The following SPIRE1 variants were observed in gnomAD, a reference collection of about 807,000 sequenced individuals.
The protein encoded by SPIRE1 is protein spire homolog 1.
SPIRE1 carries 40 observed loss-of-function variants against 94.1 expected under a neutral mutation model. The observed-to-expected ratio is 0.43, with a 90% CI of 0.33 to 0.55. The LOEUF (loss-of-function observed/expected upper bound fraction) is 0.55, where lower values mean the gene tolerates loss of function less well. SPIRE1 is among the 20% of genes least tolerant of loss of function. The pLI, the probability that SPIRE1 is intolerant of heterozygous loss-of-function variation, is 0.06. For synonymous variants in SPIRE1, 376 were observed against 371.7 expected (o/e 1.01, Z -0.13); for missense variants, 838 against 975.2 (o/e 0.86, Z 1.87).
chr18:12,452,605 A>G (rs2031301722), intron 14 of SPIRE1, 93 bp from the exon 15 acceptor site: 1 of 1,230,206 alleles, frequency 8.1e-7, no homozygotes, highest in African/African-American at 1.5e-5. Flanking sequence ...GTAAGTTTCC[A>G]CAATAAACTG....
intron 2 of SPIRE1, among the ~76,000 whole-genome samples, chr18:12,581,786 C>T (rs1405707538): frequency 1.3e-5 from 2 of 152,024 alleles, no homozygotes; most frequent in Non-Finnish European, 2.9e-5. Context: ...ATCGCTAGAA[C>T]CCAGGAGGCA....
intron 2 of SPIRE1, among the ~76,000 whole-genome samples, chr18:12,553,869 C>T (rs1191334129): frequency 6.6e-6 from 1 of 151,776 alleles, no homozygotes; most frequent in Non-Finnish European, 1.5e-5. Context: ...AAAAGTGAAA[C>T]AACACAATAC....
intron 4 of SPIRE1, among the ~76,000 whole-genome samples, chr18:12,529,382 A>AG (rs200204033): frequency 0.018 from 2,797 of 151,462 alleles, 99 homozygotes; most frequent in African/African-American, 0.064. Context: ...AAAAAAAAAA[A>AG]GGGCAGTATG....
intron 2 of SPIRE1, among the ~76,000 whole-genome samples, chr18:12,630,039 C>T (rs2037733409): frequency 6.6e-6 from 1 of 152,068 alleles, no homozygotes; most frequent in African/African-American, 2.4e-5. Flanking sequence ...TCTCAGAACT[C>T]ATAATTTTTA....
At chr18:12,565,154 A>G (rs924767727) in intron 2 of SPIRE1, among the ~76,000 whole-genome samples, 1 of 152,220 alleles carries the variant, frequency 6.6e-6, no homozygotes, top group Non-Finnish European at 1.5e-5. Context: ...AAAATCCAAG[A>G]TACAGCAAAA....
intron 5 of SPIRE1, among the ~76,000 whole-genome samples, chr18:12,509,848 C>A (rs748812287): frequency 6.6e-6 from 1 of 151,996 alleles, no homozygotes; most frequent in South Asian, 2.1e-4. Context: ...TTTGGGAGGC[C>A]AAGGCGGGCG....
chr18:12,603,855 G>A (rs2036903433), intron 2 of SPIRE1, among the ~76,000 whole-genome samples: 2 of 152,150 alleles, frequency 1.3e-5, no homozygotes, highest in African/African-American at 4.8e-5. Flanking sequence ...TTACAGGCAT[G>A]AGCCACAGCG....
intron 2 of SPIRE1, among the ~76,000 whole-genome samples, chr18:12,576,110 A>AG (rs2036086409): frequency 6.6e-6 from 1 of 151,860 alleles, no homozygotes; most frequent in African/African-American, 2.4e-5. Context: ...GGCTGAGGCA[A>AG]GAGAATCGCT....
At chr18:12,575,857 C>T (rs1229660974) in intron 2 of SPIRE1, among the ~76,000 whole-genome samples, 1 of 152,146 alleles carries the variant, frequency 6.6e-6, no homozygotes, top group Non-Finnish European at 1.5e-5. Flanking sequence ...AAAGTCAACG[C>T]AATCTTAAAA....
intron 2 of SPIRE1, among the ~76,000 whole-genome samples, chr18:12,592,686 A>G (rs1438390691): frequency 6.6e-6 from 1 of 152,248 alleles, no homozygotes; most frequent in Non-Finnish European, 1.5e-5. Flanking sequence ...TTATCATTCA[A>G]TATCGCCACA....
chr18:12,494,943 G>A (rs948875405), intron 7 of SPIRE1, among the ~76,000 whole-genome samples: 5 of 150,046 alleles, frequency 3.3e-5, no homozygotes, highest in African/African-American at 4.9e-5. Flanking sequence ...CCAGCTACTC[G>A]GGAGGCTGAG....
At position 12,571,998 on chromosome 18, in the gene SPIRE1, G is replaced by A. The variant is rs544587155; in HGVS notation, c.373-25094C>T. Among the ~76,000 whole-genome samples the A allele has an allele frequency of 4.6e-5, 7 of 152,370 alleles. No individual in the cohort carries two copies. In the East Asian group the frequency reaches 1.2e-3, roughly 25 times the overall value. ...GGGTCACGGAAGCCCCTCACTAAGA[G>A]AGTAAAGTTTAAACAGACACCTGAA... On this transcript the variant is annotated intron_variant, in intron 2 of 16. Transcript: ENST00000409402.
chr18:12,645,889 C>T (rs1047156923), intron 1 of SPIRE1, among the ~76,000 whole-genome samples: 1 of 152,108 alleles, frequency 6.6e-6, no homozygotes, highest in Non-Finnish European at 1.5e-5. Context: ...GACTCCGACT[C>T]CCACACACAT....
intron 2 of SPIRE1, among the ~76,000 whole-genome samples, chr18:12,627,829 G>A (rs1052690010): frequency 6.6e-6 from 1 of 152,174 alleles, no homozygotes; most frequent in African/African-American, 2.4e-5. Context: ...ATTTTCTAAT[G>A]TGTCTGTTGG....
chr18:12,624,111 C>T lies in SPIRE1; in HGVS notation c.372+10951G>A, dbSNP rs540598875. Among the ~76,000 whole-genome samples the T allele has an allele frequency of 4.3e-5, 6 of 138,932 alleles. No homozygotes were observed. In the Middle Eastern group the frequency reaches 0.019, roughly 437 times the overall value. The allele number at this position is 138,932 out of a possible 152,430, so 91.1% of individuals were successfully genotyped here. A position where few individuals can be genotyped will look rare whatever the true frequency, so the allele number is the denominator to read the frequency against. ...ACTAATTTTGTATTTTTAGTAGAGA[C>T]GGAGTTTCGCCATGTTGATCAGCTG... On this transcript the variant is annotated intron_variant, in intron 2 of 16. Coordinates refer to ENST00000409402, the MANE Select transcript of SPIRE1 (RefSeq NM_001128626.2).
intron 9 of SPIRE1, among the ~76,000 whole-genome samples, chr18:12,483,190 G>T (rs2032906976): frequency 6.6e-6 from 1 of 152,022 alleles, no homozygotes; most frequent in Non-Finnish European, 1.5e-5. Context: ...AAACTCCTGG[G>T]CTTAAGCAAA....
At chr18:12,650,507 G>A (rs772329927) in intron 1 of SPIRE1, among the ~76,000 whole-genome samples, 3 of 151,902 alleles carry the variant, frequency 2.0e-5, no homozygotes, top group Non-Finnish European at 4.4e-5. Context: ...TCAGGAGTTC[G>A]AGACCATCCT....
intron 2 of SPIRE1, among the ~76,000 whole-genome samples, chr18:12,619,252 C>CT (rs1055756718): frequency 6.6e-6 from 1 of 152,216 alleles, no homozygotes; most frequent in Non-Finnish European, 1.5e-5. Context: ...TGGCTCACGC[C>CT]TGTAATCTCA....
chr18:12,539,012 T>C (rs1334875257), intron 3 of SPIRE1, among the ~76,000 whole-genome samples: 1 of 152,258 alleles, frequency 6.6e-6, no homozygotes, highest in African/African-American at 2.4e-5. Flanking sequence ...TACATGGTTC[T>C]TCTTCACCTG....
Sources: allele counts gnomAD v4.1 joint callset (sites outside exome capture counted in the v4.1 genomes callset), GRCh38; gene constraint gnomAD v4.1.1; transcripts MANE v1.5; gene names NCBI Gene and HGNC (gene_info 2026-07-23, HGNC 2026-07-21).